CLIC5: variants seen among roughly 807,000 people sequenced by gnomAD.
The protein encoded by CLIC5 is chloride intracellular channel protein 5.
CLIC5 carries 20 observed loss-of-function variants against 24.7 expected under a neutral mutation model. The observed-to-expected ratio is 0.81, with a 90% CI of 0.57 to 1.18. The LOEUF (loss-of-function observed/expected upper bound fraction) is 1.18. Among genes scored for constraint, CLIC5 ranks in the 50% most tolerant of loss-of-function variants. The pLI, the probability that CLIC5 is intolerant of heterozygous loss-of-function variation, is 0.00. For missense variants in CLIC5, 341 were observed against 326.1 expected, an observed-to-expected ratio of 1.05 and a Z score of -0.35; for synonymous variants, 159 against 135.6, an observed-to-expected ratio of 1.17 and a Z score of -1.20.
At chr6:46,080,321 C>T in exon 1 of CLIC5, 1 of 1,245,040 alleles carries the variant, frequency 8.0e-7, no homozygotes, top group Non-Finnish European at 1.1e-6. Flanking sequence ...GATGCTGCAC[C>T]ACCTTGCAGA....
rs535805117 is a variant in CLIC5 at position 46,041,562 on chromosome 6, G to T, written c.540+38141C>A. Among the ~76,000 whole-genome samples, 2 of 152,218 alleles carry T rather than the reference G, an allele frequency of 1.3e-5. 1 individual carries two copies. The highest frequency in any genetic ancestry group is 3.9e-4 in the East Asian group (2 of 5,172). ...CAATGCTTAGGAAGAAGTTTCAAAA[G>T]AAAACAGGGATTTTTTTGGTTGTTG... On this transcript the variant is annotated intron_variant, in intron 1 of 5. Coordinates refer to the CLIC5 transcript ENST00000185206.
intron 3 of CLIC5, among the ~76,000 whole-genome samples, chr6:45,945,442 T>C (rs568870903): frequency 6.6e-6 from 1 of 152,130 alleles, no homozygotes; most frequent in Admixed American, 6.5e-5. Flanking sequence ...AATGTCACCA[T>C]GACATTTTTT....
intron 1 of CLIC5, among the ~76,000 whole-genome samples, chr6:46,068,810 T>C (rs1193381197): frequency 6.6e-6 from 1 of 152,118 alleles, no homozygotes; most frequent in African/African-American, 2.4e-5. Context: ...CTACAAGCCT[T>C]GGAGAGATGA....
intron 1 of CLIC5, among the ~76,000 whole-genome samples, chr6:45,985,218 G>A (rs891248442): frequency 3.3e-5 from 5 of 152,194 alleles, no homozygotes; most frequent in African/African-American, 1.2e-4. Flanking sequence ...TGTTCAGTGT[G>A]GTTGTCACTT....
At chr6:45,991,159 T>A (rs981431012) in intron 1 of CLIC5, among the ~76,000 whole-genome samples, 1 of 152,194 alleles carries the variant, frequency 6.6e-6, no homozygotes, top group African/African-American at 2.4e-5. Context: ...CAGAACATAG[T>A]AAAGGAAAGA....
At chr6:46,003,156 C>T (rs981723016) in intron 1 of CLIC5, among the ~76,000 whole-genome samples, 2 of 152,132 alleles carry the variant, frequency 1.3e-5, no homozygotes, top group African/African-American at 2.4e-5. Context: ...AAGGAATCAG[C>T]GAAACTAAGG....
At chr6:46,120,588 CTT>C in the CLIC5 span, among the ~76,000 whole-genome samples, 1 of 152,216 alleles carries the variant, frequency 6.6e-6, no homozygotes, top group Non-Finnish European at 1.5e-5. Flanking sequence ...CGGAGAATAA[CTT>C]TGACAAGTTG....
At chr6:46,008,496 C>T (rs1462824305) in intron 1 of CLIC5, among the ~76,000 whole-genome samples, 1 of 152,184 alleles carries the variant, frequency 6.6e-6, no homozygotes, top group Non-Finnish European at 1.5e-5. Context: ...GCATTGCACT[C>T]CTCAGTGGCA....
chr6:46,069,725 G>C (rs932757652), intron 1 of CLIC5, among the ~76,000 whole-genome samples: 2 of 152,068 alleles, frequency 1.3e-5, no homozygotes, highest in Non-Finnish European at 2.9e-5. Flanking sequence ...CATTCTATGA[G>C]GCCAACATCA....
intron 4 of CLIC5, chr6:45,914,678 T>A (rs1461709460): frequency 4.6e-6 from 2 of 437,300 alleles, no homozygotes; most frequent in Non-Finnish European, 6.3e-6. Flanking sequence ...ACAGTCTGGG[T>A]GTGGTGGCTC....
At chr6:45,945,273 A>G (rs1320148987) in intron 3 of CLIC5, among the ~76,000 whole-genome samples, 1 of 152,182 alleles carries the variant, frequency 6.6e-6, no homozygotes, top group African/African-American at 2.4e-5. Flanking sequence ...TCTTGTTTTA[A>G]AGATGTGAGA....
At chr6:45,907,461 C>T (rs1762692778) in intron 5 of CLIC5, among the ~76,000 whole-genome samples, 1 of 152,142 alleles carries the variant, frequency 6.6e-6, no homozygotes, top group Non-Finnish European at 1.5e-5. Flanking sequence ...TGTCTATGTT[C>T]ATCAGGGATA....
rs9296476 is a variant in CLIC5 at position 46,049,010 on chromosome 6, C to T, written c.540+30693G>A. Among the ~76,000 whole-genome samples the T allele has an allele frequency of 1.6e-3, 237 of 152,300 alleles. 2 individuals are homozygous for T. The highest frequency in any genetic ancestry group is 5.4e-3 in the African/African-American group (226 of 41,560). ...CAAGGGAGGAAAACAAAGGAGCTTGCTGTTCAAAAGCACTTTCTCCAGGCC... is the reference window on the plus strand; with the variant it reads ...CAAGGGAGGAAAACAAAGGAGCTTGTTGTTCAAAAGCACTTTCTCCAGGCC... On this transcript the variant is annotated intron_variant, in intron 1 of 5. Transcript: ENST00000185206.
intron 1 of CLIC5, among the ~76,000 whole-genome samples, chr6:46,029,491 A>G (rs916733413): frequency 1.3e-5 from 2 of 152,226 alleles, no homozygotes; most frequent in Admixed American, 6.5e-5. Flanking sequence ...AAGAGCCAGG[A>G]CTAGCCTCTG....
chr6:46,118,368 T>C, the CLIC5 span, among the ~76,000 whole-genome samples: 1 of 152,186 alleles, frequency 6.6e-6, no homozygotes, highest in African/African-American at 2.4e-5. Context: ...TTGATGATGA[T>C]GCCATTTAGG....
intron 3 of CLIC5, among the ~76,000 whole-genome samples, chr6:45,947,409 G>A (rs2127377158): frequency 2.0e-5 from 3 of 151,660 alleles, no homozygotes; most frequent in Admixed American, 2.0e-4. Flanking sequence ...TGGTTCAAGA[G>A]GTGAAGGGAC....
intron 1 of CLIC5, among the ~76,000 whole-genome samples, chr6:46,051,923 C>A (rs1768113572): frequency 6.6e-6 from 1 of 152,082 alleles, no homozygotes; most frequent in Admixed American, 6.6e-5. Flanking sequence ...TGAGATAAAC[C>A]ATCATCTCCA....
chr6:45,918,256 A>T (rs924130121), intron 4 of CLIC5, among the ~76,000 whole-genome samples: 13 of 152,234 alleles, frequency 8.5e-5, no homozygotes, highest in African/African-American at 2.9e-4. Context: ...ATTGAGGTTG[A>T]TATTACATAA....
intron 1 of CLIC5, among the ~76,000 whole-genome samples, chr6:46,043,447 G>C (rs1562021024): frequency 6.6e-6 from 1 of 152,214 alleles, no homozygotes; most frequent in African/African-American, 2.4e-5. Flanking sequence ...CAGGAAAAAT[G>C]ATAGGGCTGG....
Sources: allele counts gnomAD v4.1 joint callset (sites outside exome capture counted in the v4.1 genomes callset), GRCh38; gene constraint gnomAD v4.1.1; transcripts MANE v1.5; gene names NCBI Gene and HGNC (gene_info 2026-07-23, HGNC 2026-07-21).